Variants in PCCA observed in about 807,000 individuals in gnomAD.
The protein encoded by PCCA is propionyl-CoA carboxylase alpha chain, mitochondrial.
Under a neutral mutation model 101.3 loss-of-function variants are expected in PCCA, and 74 were observed. The ratio of observed to expected loss-of-function variants is 0.73; its 90% confidence interval spans 0.61 to 0.89. The LOEUF (loss-of-function observed/expected upper bound fraction) is 0.89. PCCA is among the 40% of genes least tolerant of loss of function. The pLI, the probability that PCCA is intolerant of heterozygous loss-of-function variation, is 0.00. For synonymous variants in PCCA, 294 were observed against 313.6 expected, an observed-to-expected ratio of 0.94 and a Z score of 0.66; for missense variants, 891 against 907.0, an observed-to-expected ratio of 0.98 and a Z score of 0.23.
chr13:100,239,444 A>G (rs1245922518), intron 8 of PCCA, among the ~76,000 whole-genome samples: 1 of 152,194 alleles, frequency 6.6e-6, no homozygotes, highest in Non-Finnish European at 1.5e-5. Context: ...TTAAAGAAGC[A>G]GACAGTCTCC....
intron 22 of PCCA, among the ~76,000 whole-genome samples, chr13:100,525,243 G>A (rs538922164): frequency 5.5e-4 from 83 of 152,220 alleles, no homozygotes; most frequent in African/African-American, 1.8e-3. Context: ...TTGAATTGCC[G>A]GACTCTCACA....
chr13:100,458,654 A>C lies in PCCA; in HGVS notation c.1899+9349A>C, dbSNP rs376868156. Among the ~76,000 whole-genome samples the C allele has an allele frequency of 3.9e-5, 6 of 152,270 alleles. No homozygotes were observed. In the East Asian group the frequency reaches 1.2e-3, roughly 29 times the overall value. Reference sequence around the variant, plus strand: ...CACCTCAAAAAAATCAAAAAAGCGAAGATTTAAAAATTAAAATAAGATTGT... The same window carrying C: ...CACCTCAAAAAAATCAAAAAAGCGACGATTTAAAAATTAAAATAAGATTGT... On this transcript the variant is annotated intron_variant, in intron 21 of 23. Coordinates refer to ENST00000376285, the MANE Select transcript of PCCA (RefSeq NM_000282.4).
intron 1 of PCCA, among the ~76,000 whole-genome samples, chr13:100,091,566 A>G (rs1364254162): frequency 6.6e-6 from 1 of 152,158 alleles, no homozygotes; most frequent in African/African-American, 2.4e-5. Flanking sequence ...AACTTGAAAT[A>G]TGCTCTACTG....
At chr13:100,350,212 A>G (rs1039422755) in intron 18 of PCCA, among the ~76,000 whole-genome samples, 32 of 152,218 alleles carry the variant, frequency 2.1e-4, no homozygotes, top group African/African-American at 7.2e-4. Context: ...TTCTGAATTA[A>G]AAGAGCATGT....
chr13:100,326,212 A>G (rs1030380166), intron 16 of PCCA, among the ~76,000 whole-genome samples: 2 of 152,232 alleles, frequency 1.3e-5, no homozygotes, highest in Non-Finnish European at 1.5e-5. Flanking sequence ...TGGATTTGAC[A>G]TAAAAGGTGG....
rs3840814 is a variant in PCCA at position 100,517,046 on chromosome 13, C to CGTGTGTGTGTGTGT, written c.2040+1510_2040+1523dup. 2.7e-3 allele frequency among the ~76,000 whole-genome samples: 362 copies of CGTGTGTGTGTGTGT among 133,040 alleles called. 3 individuals carry two copies. The highest frequency in any genetic ancestry group is 4.9e-3 in the African/African-American group (173 of 35,150). The allele number at this position is 133,040 out of a possible 152,430, so 87.3% of individuals were successfully genotyped here. A position where few individuals can be genotyped will look rare whatever the true frequency, so the allele number is the denominator to read the frequency against. On this transcript the variant is annotated intron_variant, in intron 22 of 23. Coordinates refer to ENST00000376285, the MANE Select transcript of PCCA (RefSeq NM_000282.4). ...AATTGTGTGGCTTTAATTATAAAAT[C>CGTGTGTGTGTGTGT]GTGTGTGTGTGTGTGTGTGTGTGTG...
intron 11 of PCCA, among the ~76,000 whole-genome samples, chr13:100,270,302 T>C (rs556847913): frequency 6.6e-6 from 1 of 152,320 alleles, no homozygotes; most frequent in African/African-American, 2.4e-5. Flanking sequence ...TGTGCTGAGC[T>C]AGAACTAGTA....
intron 17 of PCCA, 30 bp from the exon 18 acceptor site, chr13:100,340,127 T>C: frequency 9.1e-7 from 1 of 1,098,434 alleles, no homozygotes; most frequent in African/African-American, 1.5e-5. Context: ...AAATGATTGA[T>C]TGATTGATTG....
At chr13:100,459,805 G>A (rs1214199330) in intron 21 of PCCA, among the ~76,000 whole-genome samples, 1 of 152,210 alleles carries the variant, frequency 6.6e-6, no homozygotes, top group Non-Finnish European at 1.5e-5. Context: ...TCTAGAGCCT[G>A]GGAAGTCTAA....
At chr13:100,421,845 C>G (rs369403773) in intron 19 of PCCA, among the ~76,000 whole-genome samples, 1 of 151,868 alleles carries the variant, frequency 6.6e-6, no homozygotes, top group South Asian at 2.1e-4. Context: ...CTACCATGCC[C>G]GGCTAATTTT....
intron 2 of PCCA, among the ~76,000 whole-genome samples, chr13:100,108,268 T>C (rs531886237): frequency 1.2e-4 from 18 of 152,210 alleles, no homozygotes; most frequent in Admixed American, 4.6e-4. Flanking sequence ...AGTACAGTTA[T>C]AGAGCAGCTA....
chr13:100,272,259 A>G (rs2063354871), intron 11 of PCCA, among the ~76,000 whole-genome samples: 1 of 152,192 alleles, frequency 6.6e-6, no homozygotes, highest in South Asian at 2.1e-4. Flanking sequence ...TTACTGAATT[A>G]GTGAACACTG....
At chr13:100,209,609 TA>T in intron 7 of PCCA, 146 bp downstream of exon 7, 2 of 647,296 alleles carry the variant, frequency 3.1e-6, no homozygotes, top group Admixed American at 2.7e-5. Flanking sequence ...TATATATGTT[TA>T]AAAAATCAGT....
At chr13:100,353,826 G>A (rs947380237) in intron 18 of PCCA, among the ~76,000 whole-genome samples, 2 of 151,972 alleles carry the variant, frequency 1.3e-5, no homozygotes, top group Admixed American at 6.6e-5. Context: ...GGTGGCACGT[G>A]CCTATAGTCC....
chr13:100,456,441 G>C lies in PCCA; in HGVS notation c.1899+7136G>C, dbSNP rs141219520. ...GAGACGAGAGATTGTAATAAATAAAGACACAAGACAAAGAGATAAAGAGAA... is the reference window on the plus strand; with the variant it reads ...GAGACGAGAGATTGTAATAAATAAACACACAAGACAAAGAGATAAAGAGAA... On this transcript the variant is annotated intron_variant, in intron 21 of 23. Transcript: ENST00000376285. Among the ~76,000 whole-genome samples the C allele has an allele frequency of 5.3e-3, 801 of 152,290 alleles. 5 individuals carry two copies. The highest frequency in any genetic ancestry group is 0.018 in the African/African-American group (752 of 41,558).
At chr13:100,422,070 T>TCTTTCTTTCTTTCTTTCTTTCTTTC (rs1555454058) in intron 19 of PCCA, among the ~76,000 whole-genome samples, 26 of 110,706 alleles carry the variant, frequency 2.3e-4, no homozygotes, top group African/African-American at 8.7e-4. Context: ...TTCTCTTTTC[T>TCTTTCTTTCTTTCTTTCTTTCTTTC]TTTCTTTCTT....
chr13:100,516,357 T>TAA (rs1455500568), intron 22 of PCCA, among the ~76,000 whole-genome samples: 16 of 152,368 alleles, frequency 1.1e-4, no homozygotes, highest in Admixed American at 1.0e-3. Flanking sequence ...CACTGGGACT[T>TAA]ACATTTTAGT....
intron 4 of PCCA, among the ~76,000 whole-genome samples, chr13:100,132,990 A>G (rs1011753011): frequency 1.3e-5 from 2 of 152,126 alleles, no homozygotes; most frequent in African/African-American, 2.4e-5. Context: ...CATGTTGGCC[A>G]GGCTGGTCTT....
intron 21 of PCCA, among the ~76,000 whole-genome samples, chr13:100,454,120 C>T (rs1031555838): frequency 2.9e-4 from 44 of 151,966 alleles, no homozygotes; most frequent in South Asian, 4.2e-4. Context: ...ATGATCCACC[C>T]GCCTCAGCTT....
Sources: allele counts gnomAD v4.1 joint callset (sites outside exome capture counted in the v4.1 genomes callset), GRCh38; gene constraint gnomAD v4.1.1; transcripts MANE v1.5; gene names NCBI Gene and HGNC (gene_info 2026-07-23, HGNC 2026-07-21).